Variants in CPLANE1 observed in about 807,000 individuals in gnomAD.
CPLANE1 encodes the protein ciliogenesis and planar polarity effector 1.
A neutral mutation model predicts 362.5 loss-of-function variants in CPLANE1; 263 were observed. That is an observed-to-expected ratio of 0.73 (90% CI 0.66 to 0.80). The LOEUF (loss-of-function observed/expected upper bound fraction) is 0.80. CPLANE1 is among the 30% of genes least tolerant of loss of function. CPLANE1 has a pLI of 0.00. For missense variants in CPLANE1, 3,461 were observed against 3,793.4 expected (o/e 0.91, Z 2.30); for synonymous variants, 1,212 against 1,302.6 (o/e 0.93, Z 1.50).
At chr5:37,229,822 T>C (rs1206476116) in intron 9 of CPLANE1, among the ~76,000 whole-genome samples, 6 of 152,150 alleles carry the variant, frequency 3.9e-5, no homozygotes, top group South Asian at 2.1e-4. Context: ...ACTGCTTTCA[T>C]AGTAAAAGAA....
chr5:37,141,571 C>T (rs1769723864), intron 44 of CPLANE1: 2 of 960,018 alleles, frequency 2.1e-6, no homozygotes, highest in Admixed American at 6.2e-5. Flanking sequence ...AACAGTAATG[C>T]CATTTAAAAT....
chr5:37,211,349 A>G, intron 16 of CPLANE1: 2 of 1,513,434 alleles, frequency 1.3e-6, no homozygotes, highest in Non-Finnish European at 1.8e-6. Context: ...ACTCTGCCAA[A>G]GGCCCACTAC....
Position 37,227,686 on chromosome 5 carries a change from T to C in CPLANE1, c.1253A>G (p.Tyr418Cys). 1.9e-6 allele frequency: 3 copies of C among 1,551,536 alleles called. No individual in the cohort carries two copies. The highest frequency in any genetic ancestry group is 2.6e-6 in the Non-Finnish European group (3 of 1,146,916). Residue 418 changes from tyrosine to cysteine, a missense_variant, in exon 10 of 53, where the codon TAT (tyrosine) becomes TGT (cysteine). Transcript: ENST00000651892. Reference protein sequence around the residue: ...RLPYLVISDGYMVTTLRFLDS... With the variant: ...RLPYLVISDGCMVTTLRFLDS... Reference sequence around the variant, plus strand: ...AAGAAATCGAAGGGTTGTGACCATATATCCATCAGATATAACGAGGTAGGG... The same window carrying C: ...AAGAAATCGAAGGGTTGTGACCATACATCCATCAGATATAACGAGGTAGGG...
chr5:37,137,794 T>C (rs937667762), intron 46 of CPLANE1, among the ~76,000 whole-genome samples: 4 of 152,196 alleles, frequency 2.6e-5, no homozygotes, highest in Non-Finnish European at 5.9e-5. Flanking sequence ...AGGGGCAAAC[T>C]GTCCCCATGA....
At chr5:37,203,218 C>A (rs1477729383) in intron 18 of CPLANE1, among the ~76,000 whole-genome samples, 1 of 152,130 alleles carries the variant, frequency 6.6e-6, no homozygotes, top group Non-Finnish European at 1.5e-5. Context: ...TCAGGCAACC[C>A]CTGATCTGTT....
chr5:37,222,850 C>T lies in CPLANE1; in HGVS notation c.2582-1362G>A, dbSNP rs118119772. On this transcript the variant is annotated intron_variant, in intron 14 of 52. Transcript: ENST00000651892. ...ACATTGCTTTGGTTTCAAGGCTTCT[C>T]GTCTGACTGATTTTCTTGCCTCCAA... is the stretch of plus-strand genomic sequence containing the variant. Among the ~76,000 whole-genome samples, 304 of 152,326 alleles carry T rather than the reference C, an allele frequency of 2.0e-3. 2 individuals carry two copies. In the East Asian group the frequency reaches 0.034, roughly 17 times the overall value.
At chr5:37,175,839 G>C (rs958900413) in intron 31 of CPLANE1, 70 bp downstream of exon 31, 2 of 1,026,070 alleles carry the variant, frequency 1.9e-6, no homozygotes, top group Non-Finnish European at 3.0e-6. Flanking sequence ...TGGTACAGTC[G>C]GCATACTTTC....
chr5:37,106,899 A>G lies in CPLANE1; in HGVS notation c.*703T>C, dbSNP rs1350429324. The G allele has an allele frequency of 2.0e-6, 2 of 985,054 alleles. No individual in the cohort carries two copies. Among genetic ancestry groups the G allele is most frequent in the Admixed American group, 1.2e-4 (2 of 16,262 alleles). 61.0% of individuals were successfully genotyped at this position (985,054 alleles called of 1,614,324 possible). On this transcript the variant is annotated 3_prime_UTR_variant, in exon 53 of 53. Coordinates refer to ENST00000651892, the MANE Select transcript of CPLANE1 (RefSeq NM_001384732.1). ...TATGACATTATTGGAGCACAATACC[A>G]AAAACTAATCAGGTCTCTGTACCAT...
intron 51 of CPLANE1, among the ~76,000 whole-genome samples, chr5:37,113,340 G>A (rs1228644434): frequency 6.6e-6 from 1 of 152,136 alleles, no homozygotes; most frequent in Non-Finnish European, 1.5e-5. Context: ...ACACTCTTTT[G>A]CCTGCCACCA....
At chr5:37,191,527 C>T (rs1439831897) in intron 21 of CPLANE1, among the ~76,000 whole-genome samples, 18 of 152,118 alleles carry the variant, frequency 1.2e-4, no homozygotes, top group African/African-American at 4.1e-4. Flanking sequence ...AAAAATTAAC[C>T]AGGTATGGTG....
In CPLANE1 at chr5:37,224,593, C is replaced by T. The variant is rs1796042947; in HGVS notation, c.2439G>A (p.Gln813=). The T allele has an allele frequency of 1.3e-6, 2 of 1,551,466 alleles. No individual in the cohort carries two copies. Among genetic ancestry groups the T allele is most frequent in the Non-Finnish European group, 1.7e-6 (2 of 1,146,858 alleles). Residue 813 remains glutamine, a synonymous_variant, in exon 13 of 53, where the codon CAG becomes CAA. Transcript: ENST00000651892. ...AATCTCCAGTACTCTGTAGGTTAGCCTGCAAATGACATAACAGGGACTTGA... is the reference window on the plus strand; with the variant it reads ...AATCTCCAGTACTCTGTAGGTTAGCTTGCAAATGACATAACAGGGACTTGA... ...STVKSLLCHL[Q]ANLQSTGDCL... is the part of the protein sequence containing the mutation.
chr5:37,170,950 A>G lies in CPLANE1; in HGVS notation c.6172-619T>C, dbSNP rs558587610. ...ATTCTGTCTACACACACGAAAAAAG[A>G]CAGATTCCCAGAATAAGTATATTTT... On this transcript the variant is annotated intron_variant, in intron 32 of 52. Coordinates refer to ENST00000651892, the MANE Select transcript of CPLANE1 (RefSeq NM_001384732.1). Among the ~76,000 whole-genome samples, 6 of 152,278 alleles carry G rather than the reference A, an allele frequency of 3.9e-5. No homozygotes were observed. In the East Asian group the frequency reaches 1.2e-3, roughly 29 times the overall value.
In CPLANE1 at chr5:37,108,285, A is replaced by G; in HGVS notation, c.9579+8T>C. On this transcript the variant is annotated splice_region_variant and intron_variant, in intron 52 of 52. Coordinates refer to ENST00000651892, the MANE Select transcript of CPLANE1 (RefSeq NM_001384732.1). ...CACTAGACAAACAAAATCTAGAACA[A>G]TGCTTACTTGTAGAAGGGAATTGTG... 1 of 1,612,362 alleles carries G rather than the reference A, an allele frequency of 6.2e-7. No individual in the cohort carries two copies. The highest frequency in any genetic ancestry group is 8.5e-7 in the Non-Finnish European group (1 of 1,178,678).
rs548640009 is a variant in CPLANE1, at chr5:37,230,919, T to C, written c.1069A>G (p.Ile357Val). Residue 357 changes from isoleucine (I) to valine (V), a missense_variant, in exon 9 of 53, where the codon ATA becomes GTA. Physicochemically the swap from Ile to Val is conservative, Grantham distance 29 (BLOSUM62 3). This residue lies in a region of CPLANE1 where 3,380 missense variants were observed against 3,666.1 expected (regional missense o/e 0.92). Coordinates refer to ENST00000651892, the MANE Select transcript of CPLANE1 (RefSeq NM_001384732.1). ...ATAAATTCTGCTGGGCCAAATTCTA[T>C]AGAGCAACCAAATGTAATTAATGTT... is the stretch of plus-strand genomic sequence containing the variant. ...LLTLITFGCS[I>V]EFGPAEFIPL... 6.5e-6 allele frequency: 10 copies of C among 1,549,414 alleles called. No individual in the cohort carries two copies. In the African/African-American group the frequency reaches 1.2e-4, roughly 19 times the overall value.
At chr5:37,098,587 T>C in the CPLANE1 span, among the ~76,000 whole-genome samples, 1 of 151,938 alleles carries the variant, frequency 6.6e-6, no homozygotes, top group East Asian at 1.9e-4. Flanking sequence ...CACAGAATAT[T>C]ATCATTAGCA....
At chr5:37,085,152 A>T in the CPLANE1 span, 2 of 773,468 alleles carry the variant, frequency 2.6e-6, no homozygotes, top group South Asian at 2.8e-5. Context: ...TTGTCCATCC[A>T]CCAGTCCTCA....
chr5:37,202,978 C>T (rs934588895), intron 18 of CPLANE1, among the ~76,000 whole-genome samples: 1 of 151,132 alleles, frequency 6.6e-6, no homozygotes, highest in African/African-American at 2.4e-5. Context: ...AGATGAATAG[C>T]TCAGATTCAT....
chr5:37,114,047 G>A (rs770756758), intron 51 of CPLANE1, among the ~76,000 whole-genome samples: 4 of 152,136 alleles, frequency 2.6e-5, no homozygotes, highest in Admixed American at 6.5e-5. Flanking sequence ...TCTTGGCCTC[G>A]TGATCCAACC....
intron 15 of CPLANE1, among the ~76,000 whole-genome samples, chr5:37,217,045 G>A (rs993423725): frequency 2.0e-5 from 3 of 152,112 alleles, no homozygotes; most frequent in Non-Finnish European, 2.9e-5. Context: ...CCTTCAAGCA[G>A]TAGTCTTCAT....
Sources: gnomAD v4.1 joint callset for allele counts (sites outside exome capture counted in the v4.1 genomes callset) on GRCh38, gnomAD v4.1.1 for gene constraint, gnomAD v4.1.1 regional missense constraint, MANE v1.5 for transcripts, NCBI Gene and HGNC (gene_info 2026-07-23, HGNC 2026-07-21) for gene names.